The following RASGRF1 variants were observed in gnomAD, a reference collection of about 807,000 sequenced individuals.
RASGRF1 encodes ras-specific guanine nucleotide-releasing factor 1.
In RASGRF1, 40 loss-of-function variants were observed where a neutral mutation model predicts 138.7. That is an observed-to-expected ratio of 0.29 (90% confidence interval 0.22 to 0.38). The LOEUF is 0.38. Among genes scored for constraint, RASGRF1 ranks in the 10% least tolerant of loss-of-function variants. RASGRF1 has a pLI of 1.00. For missense variants in RASGRF1, 1,108 were observed against 1,650.4 expected (o/e 0.67, Z 5.69); for synonymous variants, 614 against 663.2 (o/e 0.93, Z 1.14).
At chr15:79,005,036 C>T (rs2056639604) in intron 14 of RASGRF1, 1 of 985,522 alleles carries the variant, frequency 1.0e-6, no homozygotes, top group South Asian at 4.7e-5. Flanking sequence ...ACACTGTCTG[C>T]TGGGCCCCTG....
chr15:78,997,671 G>A (rs535980584), intron 19 of RASGRF1, among the ~76,000 whole-genome samples: 1 of 150,164 alleles, frequency 6.7e-6, no homozygotes, highest in African/African-American at 2.4e-5. Flanking sequence ...GGGAGGTGGA[G>A]GTTACAGTGA....
chr15:78,964,185 T>TA (rs1315283065), intron 26 of RASGRF1, among the ~76,000 whole-genome samples: 9 of 152,078 alleles, frequency 5.9e-5, no homozygotes, highest in Admixed American at 5.9e-4. Context: ...TATTTATTTT[T>TA]TTTTTTGAGG....
chr15:78,968,064 C>T (rs2055677083), intron 26 of RASGRF1, among the ~76,000 whole-genome samples: 1 of 147,672 alleles, frequency 6.8e-6, no homozygotes, highest in Non-Finnish European at 1.5e-5. Flanking sequence ...ATGATTTAGT[C>T]TTATTTTATT....
chr15:79,011,234 G>A (rs188759685), intron 13 of RASGRF1, among the ~76,000 whole-genome samples: 398 of 152,048 alleles, frequency 2.6e-3, no homozygotes, highest in Non-Finnish European at 3.7e-3. Flanking sequence ...CTTGCCCACC[G>A]CCAGCCCCAT....
chr15:79,032,174 A>G lies in RASGRF1; in HGVS notation c.1101T>C (p.Pro367=). The change falls in exon 7 of 27, where the codon CCT becomes CCC. Residue 367 remains proline (P), a synonymous_variant. Transcript: ENST00000558480. This position sits in a 1 kb window ranked among gnomAD's most constrained non-coding sequence, Gnocchi z 4.5. Reference sequence around the variant, plus strand: ...TCTCCAGCGTCCTCTCCTCGCAGTCAGGCTTGGCCTCGTAGTGCTTCAGCA... The same window carrying G: ...TCTCCAGCGTCCTCTCCTCGCAGTCGGGCTTGGCCTCGTAGTGCTTCAGCA... ...DKLLKHYEAK[P]DCEERTLETF... is the part of the protein sequence containing the mutation. The G allele has an allele frequency of 6.2e-7, 1 of 1,614,078 alleles. No homozygotes were observed.
At chr15:78,966,081 C>G (rs2055638394) in intron 26 of RASGRF1, among the ~76,000 whole-genome samples, 1 of 152,118 alleles carries the variant, frequency 6.6e-6, no homozygotes, top group South Asian at 2.1e-4. Flanking sequence ...CATTCTGTAC[C>G]CCCAGTGGCT....
intron 7 of RASGRF1, 36 bp from the exon 8 acceptor site, chr15:79,031,545 A>G: frequency 6.7e-7 from 1 of 1,494,256 alleles, no homozygotes; most frequent in Non-Finnish European, 9.3e-7. Context: ...GTGGAGAAAG[A>G]GCCAGGGAAG....
rs768379195 is a variant in RASGRF1, at chr15:79,032,058, G to A, written c.1152+65C>T. The A allele has an allele frequency of 6.5e-4, 996 of 1,532,852 alleles. No homozygotes were observed. Among genetic ancestry groups the A allele is most frequent in the Admixed American group, 1.8e-3 (96 of 53,192 alleles). 95.0% of individuals were successfully genotyped at this position (1,532,852 alleles called of 1,614,324 possible). On this transcript the variant is annotated intron_variant, in intron 7 of 26. Transcript: ENST00000558480. The surrounding 1 kb of genome is among the most constrained non-coding windows in gnomAD (Gnocchi z 4.5). ...GTGCGTTAAGCACTGTGCCCCCACC[G>A]CCATGGTCCATCCCCCACACCTGCC... is the stretch of plus-strand genomic sequence containing the variant.
chr15:79,085,488 G>A (rs981654242), intron 1 of RASGRF1, among the ~76,000 whole-genome samples: 3 of 152,154 alleles, frequency 2.0e-5, no homozygotes, highest in African/African-American at 7.2e-5. Flanking sequence ...AACATCCCAG[G>A]GTTCTGTGTC....
Position 79,011,817 on chromosome 15 carries a change from C to T in RASGRF1, c.1826+3510G>A, listed in dbSNP as rs114325481. On this transcript the variant is annotated intron_variant, in intron 13 of 26. Coordinates refer to ENST00000558480, the MANE Select transcript of RASGRF1 (RefSeq NM_001145648.3). Reference sequence around the variant, plus strand: ...CACACACACTAGCCTAACCAGCTATCTCATCGCCTTTCCCTGGTGTCTTGC... The same window carrying T: ...CACACACACTAGCCTAACCAGCTATTTCATCGCCTTTCCCTGGTGTCTTGC... Among the ~76,000 whole-genome samples, 727 of 152,292 alleles carry T rather than the reference C, an allele frequency of 4.8e-3. 11 individuals carry two copies. Among genetic ancestry groups the T allele is most frequent in the African/African-American group, 0.017 (698 of 41,552 alleles).
At position 78,984,964 on chromosome 15, in the gene RASGRF1, A is replaced by G. The variant is rs554806084; in HGVS notation, c.3414+43T>C. On this transcript the variant is annotated intron_variant, in intron 23 of 26. Transcript: ENST00000558480. The stretch of plus-strand genomic sequence containing the variant: ...CACGGGTCTTCCTGCCCTAGCCCCA[A>G]TCCAGCCCCAGGGAGGCAGTGGTGC... 4.3e-5 allele frequency: 68 copies of G among 1,590,666 alleles called. No homozygotes were observed. In the East Asian group the frequency reaches 1.2e-3, roughly 28 times the overall value.
In RASGRF1 at chr15:79,031,397, C is replaced by T. The variant is rs200357902; in HGVS notation, c.1262+3G>A. 4.4e-6 allele frequency: 7 copies of T among 1,599,228 alleles called. No individual in the cohort carries two copies. In the East Asian group the frequency reaches 1.4e-4, roughly 31 times the overall value. Reference sequence around the variant, plus strand: ...TCTGGTGCACTGAAGAGCCAGGCCTCACCTGGACAGCTCCTCCAGTTTGGA... The same window carrying T: ...TCTGGTGCACTGAAGAGCCAGGCCTTACCTGGACAGCTCCTCCAGTTTGGA... On this transcript the variant is annotated splice_donor_region_variant and intron_variant, in intron 8 of 26. Coordinates refer to ENST00000558480, the MANE Select transcript of RASGRF1 (RefSeq NM_001145648.3).
intron 14 of RASGRF1, chr15:79,004,732 G>A: frequency 1.0e-6 from 1 of 985,722 alleles, no homozygotes; most frequent in Non-Finnish European, 1.2e-6. Context: ...TCATGACAGG[G>A]TTCCACCTCA....
intron 2 of RASGRF1, among the ~76,000 whole-genome samples, chr15:79,063,454 CT>C (rs1216080040): frequency 6.6e-6 from 1 of 152,214 alleles, no homozygotes; most frequent in African/African-American, 2.4e-5. Context: ...ATACTTTTAA[CT>C]TGTCCATGTA....
At chr15:79,043,226 T>C (rs1305229213) in intron 5 of RASGRF1, among the ~76,000 whole-genome samples, 1 of 152,218 alleles carries the variant, frequency 6.6e-6, no homozygotes, top group Non-Finnish European at 1.5e-5. Context: ...TTGATCAGGA[T>C]GTATTACTCT....
chr15:78,979,971 C>T (rs1334031299), intron 24 of RASGRF1, among the ~76,000 whole-genome samples: 1 of 152,228 alleles, frequency 6.6e-6, no homozygotes, highest in East Asian at 1.9e-4. Context: ...TAGCATCTCA[C>T]AGGTAGAGGC....
Position 78,987,439 on chromosome 15 carries a change from G to A in RASGRF1, c.3217-2235C>T, listed in dbSNP as rs998997443. On this transcript the variant is annotated intron_variant, in intron 22 of 26. Transcript: ENST00000558480. The stretch of plus-strand genomic sequence containing the variant: ...TGGCCGAGTGCAGTGGCTCACACCT[G>A]TAATTCCAGTACTTTGGGAGCTGAG... Among the ~76,000 whole-genome samples the A allele has an allele frequency of 3.3e-4, 50 of 152,174 alleles. 1 individual carries two copies. Among genetic ancestry groups the A allele is most frequent in the Non-Finnish European group, 6.5e-4 (44 of 68,036 alleles).
At position 79,004,121 on chromosome 15, in the gene RASGRF1, T is replaced by C. The variant is rs139808475; in HGVS notation, c.2130A>G (p.Glu710=). ...SGQNNKLLYG[E]PPKSPRATRK... Reference sequence around the variant, plus strand: ...GGGTGGCGCGCGGGGACTTGGGGGGTTCACCGTACAGGAGCTTATTGTTCT... The same window carrying C: ...GGGTGGCGCGCGGGGACTTGGGGGGCTCACCGTACAGGAGCTTATTGTTCT... The change falls in exon 15 of 27, where the codon GAA becomes GAG. Residue 710 remains glutamate (E), a synonymous_variant. Transcript: ENST00000558480. The C allele has an allele frequency of 3.4e-5, 54 of 1,611,602 alleles. No individual in the cohort carries two copies. Among genetic ancestry groups the C allele is most frequent in the Non-Finnish European group, 4.5e-5 (53 of 1,179,364 alleles).
chr15:79,005,581 T>C (rs1179269508), intron 14 of RASGRF1: 9 of 986,310 alleles, frequency 9.1e-6, no homozygotes, highest in Non-Finnish European at 1.1e-5. Context: ...AAGTCCTTCA[T>C]TGCCCCATGA....
Sources: gnomAD v4.1 joint callset for allele counts (sites outside exome capture counted in the v4.1 genomes callset) on GRCh38, gnomAD v4.1.1 for gene constraint, Gnocchi (gnomAD v3.1) non-coding constraint, MANE v1.5 for transcripts, NCBI Gene and HGNC (gene_info 2026-07-23, HGNC 2026-07-21) for gene names.